Variants in ZNF646 observed in about 807,000 individuals in gnomAD.
The protein encoded by ZNF646 is zinc finger protein 646.
A neutral mutation model predicts 115.4 loss-of-function variants in ZNF646; 49 were observed. That is an observed-to-expected ratio of 0.42 (90% CI 0.34 to 0.54). The LOEUF (loss-of-function observed/expected upper bound fraction) is 0.54, where lower values mean the gene tolerates loss of function less well. Among genes scored for constraint, ZNF646 ranks in the 20% least tolerant of loss-of-function variants. The pLI is 0.04. For missense variants in ZNF646, 2,269 were observed against 2,457.9 expected (o/e 0.92, Z 1.62); for synonymous variants, 933 against 939.0 (o/e 0.99, Z 0.12).
upstream of ZNF646, chr16:31,074,330 T>A (rs965871301): frequency 2.0e-5 from 3 of 152,340 alleles, no homozygotes; most frequent in African/African-American, 4.8e-5. Flanking sequence ...TGTGTCTGCG[T>A]AAAACTGCGG....
rs751340280 is a variant in ZNF646 at position 31,080,361 on chromosome 16, G to C, written c.4037G>C (p.Arg1346Thr). ...CGCATGGCCCTGAAGGACCACCAGA[G>C]GCTGCACTCAGAGAATCGGCGGCGA... ...SNRMALKDHQ[R>T]LHSENRRRRA... Residue 1346 changes from arginine to threonine, a missense_variant, in exon 2 of 3, where the codon AGG (arginine) becomes ACG (threonine). Transcript: ENST00000300850. 1.9e-6 allele frequency: 3 copies of C among 1,613,418 alleles called. No individual in the cohort carries two copies. Among genetic ancestry groups the C allele is most frequent in the African/African-American group, 1.3e-5 (1 of 74,946 alleles).
In ZNF646 at chr16:31,078,525, C is replaced by T; in HGVS notation, c.2201C>T (p.Ser734Phe). The part of the protein sequence containing the change: ...ESDGDCLQAE[S>F]EGDKCGLERD... ...GATGGGGACTGTTTGCAGGCTGAAT[C>T]TGAAGGGGACAAATGTGGGCTTGAG... Residue 734 changes from serine (S) to phenylalanine (F), a missense_variant, in exon 2 of 3, where the codon TCT becomes TTT. Physicochemically the swap from Ser to Phe is radical, Grantham distance 155 (BLOSUM62 -2). This residue lies in a region of ZNF646 where 852 missense variants were observed against 900.2 expected (regional missense o/e 0.95). Transcript: ENST00000300850. 1 of 1,595,826 alleles carries T rather than the reference C, an allele frequency of 6.3e-7. No homozygotes were observed. Among genetic ancestry groups the T allele is most frequent in the Non-Finnish European group, 8.6e-7 (1 of 1,168,494 alleles).
At position 31,083,978 on chromosome 16, in the gene ZNF646, A is replaced by C; in HGVS notation, c.*886A>C. The C allele has an allele frequency of 6.7e-7, 1 of 1,500,352 alleles. No homozygotes were observed. Among genetic ancestry groups the C allele is most frequent in the Non-Finnish European group, 8.9e-7 (1 of 1,119,970 alleles). 92.9% of individuals were successfully genotyped at this position (1,500,352 alleles called of 1,614,324 possible). On this transcript the variant is annotated 3_prime_UTR_variant, in exon 3 of 3. Transcript: ENST00000300850. Reference sequence around the variant, plus strand: ...GCTCCAAGTCACACGATGACAAAGAACCAGAATCTGAATCAAATGGGTCTG... The same window carrying C: ...GCTCCAAGTCACACGATGACAAAGACCCAGAATCTGAATCAAATGGGTCTG...
At position 31,079,314 on chromosome 16, in the gene ZNF646, G is replaced by A. The variant is rs768104881; in HGVS notation, c.2990G>A (p.Gly997Asp). Residue 997 changes from glycine to aspartate, a missense_variant, in exon 2 of 3, where the codon GGT becomes GAT. By Grantham distance (94) the Gly-to-Asp change is moderately conservative (BLOSUM62 -1). Coordinates refer to ENST00000300850, the MANE Select transcript of ZNF646 (RefSeq NM_014699.4). The surrounding 1 kb of genome is among the most constrained non-coding windows in gnomAD (Gnocchi z 5.5). ...DKAPSPLGVA[G>D]DAMEMVVDSV... ...GCTCCCAGCCCCTTGGGAGTGGCAGGTGATGCCATGGAGATGGTCGTGGAC... is the reference window on the plus strand; with the variant it reads ...GCTCCCAGCCCCTTGGGAGTGGCAGATGATGCCATGGAGATGGTCGTGGAC... 6.2e-7 allele frequency: 1 copy of A among 1,613,236 alleles called. No individual in the cohort carries two copies. The highest frequency in any genetic ancestry group is 1.1e-5 in the South Asian group (1 of 91,078).
In ZNF646 at chr16:31,080,798, A is replaced by G. The variant is rs2057146873; in HGVS notation, c.4474A>G (p.Ser1492Gly). ...FLTRSEEPEDSVHRSPCHAGD... is the reference protein window; with the variant it reads ...FLTRSEEPEDGVHRSPCHAGD... Reference sequence around the variant, plus strand: ...AACTAGGTCAGAGGAGCCAGAGGACAGTGTCCACAGGAGTCCTTGCCACGC... The same window carrying G: ...AACTAGGTCAGAGGAGCCAGAGGACGGTGTCCACAGGAGTCCTTGCCACGC... The change falls in exon 2 of 3, where the codon AGT (serine) becomes GGT (glycine). Residue 1492 changes from serine (S) to glycine (G), a missense_variant. Physicochemically the swap from Ser to Gly is moderately conservative, Grantham distance 56. This residue lies in a region of ZNF646 where 1,062 missense variants were observed against 1,172.8 expected (regional missense o/e 0.91). Transcript: ENST00000300850. 6.2e-7 allele frequency: 1 copy of G among 1,614,092 alleles called. No individual in the cohort carries two copies. Among genetic ancestry groups the G allele is most frequent in the Non-Finnish European group, 8.5e-7 (1 of 1,180,006 alleles).
chr16:31,080,325 C>T lies in ZNF646; in HGVS notation c.4001C>T (p.Thr1334Ile), dbSNP rs747391125. 1.2e-6 allele frequency: 2 copies of T among 1,613,592 alleles called. No individual in the cohort carries two copies. Among genetic ancestry groups the T allele is most frequent in the East Asian group, 2.2e-5 (1 of 44,884 alleles). The change falls in exon 2 of 3, where the codon ACC (threonine) becomes ATC (isoleucine). Residue 1334 changes from threonine (T) to isoleucine (I), a missense_variant. Thr to Ile is a moderately conservative substitution (Grantham distance 89). Transcript: ENST00000300850. ...TACAGCTGCCCCACCTGCCCCAAGA[C>T]CTACTCCAACCGCATGGCCCTGAAG... ...GQYSCPTCPKTYSNRMALKDH... is the reference protein window; with the variant it reads ...GQYSCPTCPKIYSNRMALKDH...
Position 31,076,989 on chromosome 16 carries a change from C to T in ZNF646, c.665C>T (p.Thr222Ile). The T allele has an allele frequency of 6.2e-7, 1 of 1,614,044 alleles. No homozygotes were observed. ...CTGGCTGAATCAGTAGTGAACTTCA[C>T]AGGGGGCCAGGAGCCCACCCAGTCC... is the stretch of plus-strand genomic sequence containing the variant. ...QYLAESVVNF[T>I]GGQEPTQSPP... The change falls in exon 2 of 3, where the codon ACA becomes ATA. Residue 222 changes from threonine to isoleucine, a missense_variant. By Grantham distance (89) the Thr-to-Ile change is moderately conservative (BLOSUM62 -1). Around this residue, in one of 5 missense-constraint regions of ZNF646, gnomAD observed 334 missense variants for 323.5 expected, o/e 1.03. Transcript: ENST00000300850.
In ZNF646 at chr16:31,081,708, G is replaced by C. The variant is rs748714923; in HGVS notation, c.5377+7G>C. On this transcript the variant is annotated splice_region_variant and intron_variant, in intron 2 of 2. Coordinates refer to ENST00000300850, the MANE Select transcript of ZNF646 (RefSeq NM_014699.4). ...TGGACGGTGGCCGGCTCCGGTAGGG[G>C]GCATGAAGGGTCCCAGGAGGAGGTG... The C allele has an allele frequency of 4.6e-4, 722 of 1,569,888 alleles. 2 individuals are homozygous for C. Among genetic ancestry groups the C allele is most frequent in the Non-Finnish European group, 5.9e-4 (685 of 1,156,008 alleles).
rs746709577 is a variant in ZNF646, at chr16:31,076,713, G to T, written c.389G>T (p.Arg130Met). ...GTGTCCACTGACTCCTGGGGCCAAA[G>T]GCTTGGCTCTAGTGAAGGCTGGGAA... ...ETVSTDSWGQRLGSSEGWENQ... is the reference protein window; with the variant it reads ...ETVSTDSWGQMLGSSEGWENQ... The change falls in exon 2 of 3, where the codon AGG becomes ATG. Residue 130 changes from arginine (R) to methionine (M), a missense_variant. This residue lies in a region of ZNF646 where 334 missense variants were observed against 323.5 expected (regional missense o/e 1.03). Transcript: ENST00000300850. 2 of 1,613,584 alleles carry T rather than the reference G, an allele frequency of 1.2e-6. No individual in the cohort carries two copies. The highest frequency in any genetic ancestry group is 1.7e-6 in the Non-Finnish European group (2 of 1,180,034).
At position 31,078,586 on chromosome 16, in the gene ZNF646, C is replaced by T. The variant is rs142319058; in HGVS notation, c.2262C>T (p.Ser754=). 254 of 1,612,142 alleles carry T rather than the reference C, an allele frequency of 1.6e-4. No homozygotes were observed. In the African/African-American group the frequency reaches 1.6e-3, roughly 10 times the overall value. Residue 754 remains serine (S), a synonymous_variant, in exon 2 of 3, where the codon AGC becomes AGT. Transcript: ENST00000300850. ...CCCATTTCCAGGGTGATAAAGAGAG[C>T]GGAGGCACTGGGGAAGGACTGGAAA... ...DETHFQGDKE[S]GGTGEGLERK...
chr16:31,078,832 G>A lies in ZNF646; in HGVS notation c.2508G>A (p.Leu836=). The A allele has an allele frequency of 6.2e-7, 1 of 1,613,954 alleles. No individual in the cohort carries two copies. Among genetic ancestry groups the A allele is most frequent in the Non-Finnish European group, 8.5e-7 (1 of 1,180,036 alleles). ...ATTCTTTCCCCCATGCCACTGGCCT[G>A]CTGAGCCACAGGCCCTGCCACCCAC... ...CGHSFPHATG[L]LSHRPCHPPG... is the part of the protein sequence containing the mutation. The change falls in exon 2 of 3, where the codon CTG becomes CTA. Residue 836 remains leucine (L), a synonymous_variant. Transcript: ENST00000300850.
At position 31,081,598 on chromosome 16, in the gene ZNF646, G is replaced by A; in HGVS notation, c.5274G>A (p.Glu1758=). 1.2e-6 allele frequency: 2 copies of A among 1,611,346 alleles called. No individual in the cohort carries two copies. Among genetic ancestry groups the A allele is most frequent in the Non-Finnish European group, 1.7e-6 (2 of 1,179,038 alleles). The change falls in exon 2 of 3, where the codon GAG becomes GAA. Residue 1758 remains glutamate, a synonymous_variant. Coordinates refer to ENST00000300850, the MANE Select transcript of ZNF646 (RefSeq NM_014699.4). Reference sequence around the variant, plus strand: ...ACGGGCGGGTCCATGCACCCCGGGAGGGGCCTTTCACCTGCCCCCATTGTC... The same window carrying A: ...ACGGGCGGGTCCATGCACCCCGGGAAGGGCCTTTCACCTGCCCCCATTGTC... The part of the protein sequence containing the change: ...EGHGRVHAPR[E]GPFTCPHCPR...
At position 31,077,985 on chromosome 16, in the gene ZNF646, A is replaced by T. The variant is rs2057100209; in HGVS notation, c.1661A>T (p.His554Leu). ...AEAAPHTDQDHVCKHEEEATD... is the reference protein window; with the variant it reads ...AEAAPHTDQDLVCKHEEEATD... ...GCAGCCCCGCACACAGATCAGGACC[A>T]TGTGTGCAAACATGAAGAAGAGGCC... Residue 554 changes from histidine to leucine, a missense_variant, in exon 2 of 3, where the codon CAT (histidine) becomes CTT (leucine). By Grantham distance (99) the His-to-Leu change is moderately conservative (BLOSUM62 -3). Transcript: ENST00000300850. 6.2e-7 allele frequency: 1 copy of T among 1,614,070 alleles called. No homozygotes were observed.
rs1177930820 is a variant in ZNF646, at chr16:31,079,029, A to G, written c.2705A>G (p.Gln902Arg). 2 of 1,585,838 alleles carry G rather than the reference A, an allele frequency of 1.3e-6. No individual in the cohort carries two copies. The highest frequency in any genetic ancestry group is 1.7e-5 in the Admixed American group (1 of 58,980). Residue 902 changes from glutamine to arginine, a missense_variant, in exon 2 of 3, where the codon CAG becomes CGG. This residue lies in a region of ZNF646 where 852 missense variants were observed against 900.2 expected (regional missense o/e 0.95). Transcript: ENST00000300850. This position sits in a 1 kb window ranked among gnomAD's most constrained non-coding sequence, Gnocchi z 5.5. ...GCTGGCTACAGGCTTCACCGGCGCC[A>G]GGCCCACAGCTCCTCTGGCATGACT... ...GRAGYRLHRR[Q>R]AHSSSGMTEG...
At position 31,084,005 on chromosome 16, in the gene ZNF646, C is replaced by T; in HGVS notation, c.*913C>T. 6.7e-7 allele frequency: 1 copy of T among 1,499,122 alleles called. No individual in the cohort carries two copies. Among genetic ancestry groups the T allele is most frequent in the Admixed American group, 2.1e-5 (1 of 46,760 alleles). The allele number at this position is 1,499,122 out of a possible 1,614,324, so 92.9% of individuals were successfully genotyped here. A position where few individuals can be genotyped will look rare whatever the true frequency, so the allele number is the denominator to read the frequency against. The stretch of plus-strand genomic sequence containing the variant: ...CAGAATCTGAATCAAATGGGTCTGC[C>T]TGTTGCTCCACCCTACCCAAGGCAG... On this transcript the variant is annotated 3_prime_UTR_variant, in exon 3 of 3. Transcript: ENST00000300850.
Position 31,082,869 on chromosome 16 carries a change from TC to T in ZNF646, c.5378-100del, listed in dbSNP as rs1171378292. On this transcript the variant is annotated intron_variant, in intron 2 of 2. Coordinates refer to ENST00000300850, the MANE Select transcript of ZNF646 (RefSeq NM_014699.4). ...TAGAATCCCTGTTCTCATCTGGGCC[TC>T]CGGGGCCAGGGGCAGGGGAATGGCC... 2.7e-6 allele frequency: 4 copies of T among 1,464,888 alleles called. No homozygotes were observed. The East Asian group carries it at 1.1e-4, about 39-fold the overall frequency. The allele number at this position is 1,464,888 out of a possible 1,614,324, so 90.7% of individuals were successfully genotyped here.
chr16:31,075,860 C>A (rs2057069920), intron 1 of ZNF646: 1 of 155,166 alleles, frequency 6.4e-6, no homozygotes, highest in Non-Finnish European at 1.4e-5. Context: ...TTTTGGTGTC[C>A]TTTTAAGATG....
chr16:31,078,432 A>C lies in ZNF646; in HGVS notation c.2108A>C (p.Glu703Ala). ...TGGACCCGGGAGCTAGAAGACAATG[A>C]AGGCCTGGAGTCTCCCCAAGACCCT... The part of the protein sequence containing the change: ...ESWTRELEDN[E>A]GLESPQDPSG... The change falls in exon 2 of 3, where the codon GAA becomes GCA. Residue 703 changes from glutamate to alanine, a missense_variant. Physicochemically the swap from Glu to Ala is moderately radical, Grantham distance 107. Around this residue, in one of 5 missense-constraint regions of ZNF646, gnomAD observed 852 missense variants for 900.2 expected, o/e 0.95. Coordinates refer to ENST00000300850, the MANE Select transcript of ZNF646 (RefSeq NM_014699.4). 1.2e-6 allele frequency: 2 copies of C among 1,604,446 alleles called. No individual in the cohort carries two copies. The highest frequency in any genetic ancestry group is 1.7e-6 in the Non-Finnish European group (2 of 1,174,318).
rs1343117424 is a variant in ZNF646, at chr16:31,081,477, C to T, written c.5153C>T (p.Ser1718Phe). Residue 1718 changes from serine to phenylalanine, a missense_variant, in exon 2 of 3, where the codon TCT becomes TTT. Physicochemically the swap from Ser to Phe is radical, Grantham distance 155. This residue lies in a region of ZNF646 where 1,062 missense variants were observed against 1,172.8 expected (regional missense o/e 0.91). Transcript: ENST00000300850. Reference sequence around the variant, plus strand: ...CCCAAACTTCTCCCTAACCTGCTGTCTCTTAAGAACCACAGCAGGACCCAC... The same window carrying T: ...CCCAAACTTCTCCCTAACCTGCTGTTTCTTAAGAACCACAGCAGGACCCAC... ...LCPKLLPNLL[S>F]LKNHSRTHTD... The T allele has an allele frequency of 2.5e-6, 4 of 1,614,106 alleles. No individual in the cohort carries two copies. Among genetic ancestry groups the T allele is most frequent in the Non-Finnish European group, 3.4e-6 (4 of 1,180,050 alleles).
Sources: gnomAD v4.1 joint callset for allele counts on GRCh38, gnomAD v4.1.1 for gene constraint, gnomAD v4.1.1 regional missense constraint, Gnocchi (gnomAD v3.1) non-coding constraint, MANE v1.5 for transcripts, NCBI Gene and HGNC (gene_info 2026-07-23, HGNC 2026-07-21) for gene names.